E2F1: variants seen among roughly 807,000 people sequenced by gnomAD.
E2F1 encodes E2F transcription factor 1.
E2F1 carries 7 observed loss-of-function variants against 36.9 expected under a neutral mutation model. That is an observed-to-expected ratio of 0.19 (90% confidence interval 0.11 to 0.36). E2F1 has a LOEUF of 0.36. Among genes scored for constraint, E2F1 ranks in the 10% least tolerant of loss-of-function variants. E2F1 has a pLI of 1.00. For missense variants in E2F1, 406 were observed against 573.6 expected (o/e 0.71, Z 2.99); for synonymous variants, 261 against 263.1 (o/e 0.99, Z 0.08).
chr20:33,685,469 C>T (rs2018058885), intron 1 of E2F1, among the ~76,000 whole-genome samples: 1 of 152,170 alleles, frequency 6.6e-6, no homozygotes, highest in Non-Finnish European at 1.5e-5. Flanking sequence ...TTTCCTCCGC[C>T]CCGCCTTCAC....
chr20:33,679,903 G>C lies in E2F1; in HGVS notation c.424C>G (p.Leu142Val). The C allele has an allele frequency of 1.2e-6, 2 of 1,614,254 alleles. No homozygotes were observed. Among genetic ancestry groups the C allele is most frequent in the Non-Finnish European group, 1.7e-6 (2 of 1,180,044 alleles). ...LNLTTKRFLE[L>V]LSHSADGVVD... ...ACACCGTCAGCCGAGTGGCTCAGCA[G>C]CTCCAGGAAGCGCTTGGTGGTCAGA... The change falls in exon 3 of 7, where the codon CTG (leucine) becomes GTG (valine). Residue 142 changes from leucine (L) to valine (V), a missense_variant. Coordinates refer to ENST00000343380, the MANE Select transcript of E2F1 (RefSeq NM_005225.3). The surrounding 1 kb of genome is among the most constrained non-coding windows in gnomAD (Gnocchi z 4.6).
Position 33,679,079 on chromosome 20 carries a change from G to T in E2F1, c.572+676C>A, listed in dbSNP as rs1238171838. On this transcript the variant is annotated intron_variant, in intron 3 of 6. Coordinates refer to ENST00000343380, the MANE Select transcript of E2F1 (RefSeq NM_005225.3). This position sits in a 1 kb window ranked among gnomAD's most constrained non-coding sequence, Gnocchi z 4.6. The stretch of plus-strand genomic sequence containing the variant: ...AGGCGAGAGGGGGAAAATAAAACAA[G>T]AATAAAATATCTATGCCAGACAGAT... 1.3e-5 allele frequency among the ~76,000 whole-genome samples: 2 copies of T among 152,244 alleles called. No homozygotes were observed. Among genetic ancestry groups the T allele is most frequent in the Non-Finnish European group, 2.9e-5 (2 of 68,032 alleles).
chr20:33,686,372 G>A lies in E2F1; in HGVS notation c.-108C>T. 1.1e-6 allele frequency: 1 copy of A among 920,558 alleles called. No homozygotes were observed. The highest frequency in any genetic ancestry group is 1.3e-6 in the Non-Finnish European group (1 of 769,846). 57.0% of individuals were successfully genotyped at this position (920,558 alleles called of 1,614,324 possible). On this transcript the variant is annotated 5_prime_UTR_variant, in exon 1 of 7. Coordinates refer to ENST00000343380, the MANE Select transcript of E2F1 (RefSeq NM_005225.3). ...TCCCGCTCCGCCCCCGGCCGCCGCTGCCTGCAAAGTCCCGGCCACTTTTAC... is the reference window on the plus strand; with the variant it reads ...TCCCGCTCCGCCCCCGGCCGCCGCTACCTGCAAAGTCCCGGCCACTTTTAC...
intron 1 of E2F1, among the ~76,000 whole-genome samples, chr20:33,682,227 C>T (rs369847438): frequency 3.9e-5 from 6 of 152,074 alleles, no homozygotes; most frequent in Non-Finnish European, 7.4e-5. Context: ...CTGAATGAAC[C>T]CCCCCCATGC....
chr20:33,684,188 T>C (rs750766987), intron 1 of E2F1, among the ~76,000 whole-genome samples: 7 of 152,236 alleles, frequency 4.6e-5, no homozygotes, highest in Non-Finnish European at 8.8e-5. Flanking sequence ...CATTTTTCTT[T>C]GCCCCTGTCC....
In E2F1 at chr20:33,686,016, G is replaced by T; in HGVS notation, c.249C>A (p.Leu83=). The change falls in exon 1 of 7, where the codon CTC becomes CTA. Residue 83 remains leucine (L), a synonymous_variant. Coordinates refer to ENST00000343380, the MANE Select transcript of E2F1 (RefSeq NM_005225.3). ...CTGGGGTCCGTACCGGCGGGCGGCCGAGCGCGGGCCGCGGCGCACTGGGTG... is the reference window on the plus strand; with the variant it reads ...CTGGGGTCCGTACCGGCGGGCGGCCTAGCGCGGGCCGCGGCGCACTGGGTG... ...RPTPSAPRPA[L]GRPPVKRRLD... is the part of the protein sequence containing the mutation. The T allele has an allele frequency of 8.8e-7, 1 of 1,131,856 alleles. No homozygotes were observed. Among genetic ancestry groups the T allele is most frequent in the Non-Finnish European group, 1.1e-6 (1 of 925,062 alleles). 70.1% of individuals were successfully genotyped at this position (1,131,856 alleles called of 1,614,324 possible). A position where few individuals can be genotyped will look rare whatever the true frequency, so the allele number is the denominator to read the frequency against.
At chr20:33,678,479 G>T in intron 3 of E2F1, 126 bp from the exon 4 acceptor site, 1 of 1,253,974 alleles carries the variant, frequency 8.0e-7, no homozygotes, top group Non-Finnish European at 1.1e-6. Context: ...CCTTGCTTCT[G>T]TCTGGGTCTG....
chr20:33,680,090 G>A, intron 2 of E2F1, 116 bp from the exon 3 acceptor site: 2 of 996,940 alleles, frequency 2.0e-6, no homozygotes, highest in Non-Finnish European at 3.1e-6. Flanking sequence ...GGGACAGCCA[G>A]CTCCTTCCCC....
chr20:33,681,688 C>T (rs1051427192), intron 1 of E2F1, among the ~76,000 whole-genome samples: 7 of 152,158 alleles, frequency 4.6e-5, no homozygotes, highest in Admixed American at 1.3e-4. Flanking sequence ...TTCCCCTCCA[C>T]CATCCACAGG....
chr20:33,683,506 C>T (rs1341064771), intron 1 of E2F1, among the ~76,000 whole-genome samples: 2 of 148,228 alleles, frequency 1.3e-5, no homozygotes, highest in African/African-American at 5.0e-5. Context: ...GGCATGGTGA[C>T]TCACACCTGT....
intron 3 of E2F1, 145 bp from the exon 4 acceptor site, chr20:33,678,498 GC>G (rs1331530542): frequency 4.1e-5 from 42 of 1,036,838 alleles, no homozygotes; most frequent in Non-Finnish European, 4.9e-5. Context: ...TGGCTCCTCA[GC>G]TGGGCTCCAA....
At chr20:33,677,080 C>T in intron 6 of E2F1, 25 bp downstream of exon 6, 1 of 1,596,130 alleles carries the variant, frequency 6.3e-7, no homozygotes, top group South Asian at 1.1e-5. Context: ...CCCTGCCCCA[C>T]CCCACCCACC....
Position 33,676,749 on chromosome 20 carries a change from T to A in E2F1, c.1297A>T (p.Thr433Ser). 1.2e-6 allele frequency: 2 copies of A among 1,608,360 alleles called. No individual in the cohort carries two copies. The highest frequency in any genetic ancestry group is 4.5e-5 in the East Asian group (2 of 44,696). ...AAGCCCTGTCAGAAATCCAGGGGGGTGAGGTCCCCAAAGTCACAGTCGAAG... is the reference window on the plus strand; with the variant it reads ...AAGCCCTGTCAGAAATCCAGGGGGGAGAGGTCCCCAAAGTCACAGTCGAAG... ...DLFDCDFGDL[T>S]PLDF is the part of the protein sequence containing the mutation. The change falls in exon 7 of 7, where the codon ACC (threonine) becomes TCC (serine). Residue 433 changes from threonine to serine, a missense_variant. This residue lies in a region of E2F1 where 163 missense variants were observed against 181.5 expected (regional missense o/e 0.90). Transcript: ENST00000343380.
intron 1 of E2F1, among the ~76,000 whole-genome samples, chr20:33,684,535 C>A (rs1601189211): frequency 6.6e-6 from 1 of 152,186 alleles, no homozygotes; most frequent in Admixed American, 6.5e-5. Context: ...CTGCTCTCCC[C>A]ACTCAAGAGC....
rs1159153728 is a variant in E2F1 at position 33,676,983 on chromosome 20, G to A, written c.1067-4C>T. The A allele has an allele frequency of 1.3e-6, 2 of 1,559,400 alleles. No homozygotes were observed. The highest frequency in any genetic ancestry group is 2.7e-5 in the African/African-American group (2 of 74,052). ...CCCATCCGGGACAACAGCGGTTCTG[G>A]GGAGACGGGGAGCATCACAGGCCGG... is the stretch of plus-strand genomic sequence containing the variant. On this transcript the variant is annotated splice_polypyrimidine_tract_variant and splice_region_variant and intron_variant, in intron 6 of 6. Transcript: ENST00000343380.
chr20:33,681,482 G>A (rs1218246943), intron 1 of E2F1, among the ~76,000 whole-genome samples: 1 of 152,078 alleles, frequency 6.6e-6, no homozygotes, highest in Non-Finnish European at 1.5e-5. Flanking sequence ...GTATAAAAAT[G>A]GCCCCATTTT....
Position 33,679,717 on chromosome 20 carries a change from G to A in E2F1, c.572+38C>T. The A allele has an allele frequency of 4.4e-6, 7 of 1,593,978 alleles. No individual in the cohort carries two copies. The highest frequency in any genetic ancestry group is 6.0e-6 in the Non-Finnish European group (7 of 1,163,306). On this transcript the variant is annotated intron_variant, in intron 3 of 6. Coordinates refer to ENST00000343380, the MANE Select transcript of E2F1 (RefSeq NM_005225.3). The surrounding 1 kb of genome is among the most constrained non-coding windows in gnomAD (Gnocchi z 4.6). ...CTACCAGCTCCTCCAGGCTGGCATG[G>A]GCAGGTGTGCCTGCCCTCCTGTGTG...
At chr20:33,682,119 C>A (rs1467765027) in intron 1 of E2F1, among the ~76,000 whole-genome samples, 1 of 152,178 alleles carries the variant, frequency 6.6e-6, no homozygotes, top group Non-Finnish European at 1.5e-5. Flanking sequence ...TCTCTCCCTA[C>A]ACATTTCTGC....
At chr20:33,678,031 C>G (rs1182866561) in intron 4 of E2F1, among the ~76,000 whole-genome samples, 170 bp downstream of exon 4, 1 of 152,190 alleles carries the variant, frequency 6.6e-6, no homozygotes, top group Non-Finnish European at 1.5e-5. Context: ...AAAACTGAGG[C>G]CAAGAGGTTA....
Sources: gnomAD v4.1 joint callset for allele counts (sites outside exome capture counted in the v4.1 genomes callset) on GRCh38, gnomAD v4.1.1 for gene constraint, gnomAD v4.1.1 regional missense constraint, Gnocchi (gnomAD v3.1) non-coding constraint, MANE v1.5 for transcripts, NCBI Gene and HGNC (gene_info 2026-07-23, HGNC 2026-07-21) for gene names.